The following ATP8A2 variants were observed in gnomAD, a reference collection of about 807,000 sequenced individuals.
ATP8A2 encodes phospholipid-transporting ATPase IB.
In ATP8A2, 100 loss-of-function variants were observed where a neutral mutation model predicts 165.6. That is an observed-to-expected ratio of 0.60 (90% CI 0.51 to 0.71). The LOEUF (loss-of-function observed/expected upper bound fraction) is 0.71. Ranked by LOEUF, ATP8A2 falls within the 30% of genes least tolerant of loss-of-function variation. The probability of loss-of-function intolerance (pLI) is 0.00; values close to 1 mark genes in which losing one functional copy is unlikely to be tolerated. For missense variants in ATP8A2, 1,227 were observed against 1,479.5 expected (o/e 0.83, Z 2.80); for synonymous variants, 543 against 548.8 (o/e 0.99, Z 0.15).
chr13:25,896,959 C>A (rs1953573763), intron 33 of ATP8A2, among the ~76,000 whole-genome samples: 1 of 152,212 alleles, frequency 6.6e-6, no homozygotes. Context: ...CTGAATACAG[C>A]ACACTGATGG....
At chr13:25,996,056 C>T (rs1956494814) in intron 35 of ATP8A2, among the ~76,000 whole-genome samples, 1 of 152,084 alleles carries the variant, frequency 6.6e-6, no homozygotes, top group Non-Finnish European at 1.5e-5. Flanking sequence ...AGTTACTTTG[C>T]TCTAAAGACC....
intron 24 of ATP8A2, among the ~76,000 whole-genome samples, chr13:25,666,535 C>A (rs145732401): frequency 1.3e-5 from 2 of 152,082 alleles, no homozygotes; most frequent in South Asian, 4.2e-4. Context: ...TCACCACGCC[C>A]GGCCAGAATA....
At chr13:25,987,172 T>C (rs540246888) in intron 35 of ATP8A2, among the ~76,000 whole-genome samples, 62 of 152,330 alleles carry the variant, frequency 4.1e-4, no homozygotes, top group Admixed American at 3.1e-3. Context: ...TGTATGTTGT[T>C]ATATTTTACC....
chr13:25,534,950 C>T (rs2038229197), intron 6 of ATP8A2, among the ~76,000 whole-genome samples: 2 of 152,084 alleles, frequency 1.3e-5, no homozygotes, highest in Admixed American at 6.5e-5. Context: ...GTAGGGAGCA[C>T]ACTCAAGAAC....
chr13:25,759,027 G>A (rs1343088598), intron 25 of ATP8A2, among the ~76,000 whole-genome samples: 1 of 152,086 alleles, frequency 6.6e-6, no homozygotes, highest in Non-Finnish European at 1.5e-5. Flanking sequence ...GGGAGAGAGA[G>A]AAAGGGAAAG....
At chr13:25,637,733 C>T (rs1047133634) in intron 24 of ATP8A2, among the ~76,000 whole-genome samples, 9 of 152,142 alleles carry the variant, frequency 5.9e-5, no homozygotes, top group African/African-American at 2.2e-4. Context: ...CTTAAATGTC[C>T]CTGTCTGACA....
At chr13:25,406,019 C>T (rs983333078) in intron 1 of ATP8A2, among the ~76,000 whole-genome samples, 16 of 152,296 alleles carry the variant, frequency 1.1e-4, no homozygotes, top group South Asian at 2.1e-4. Flanking sequence ...CCTTCCAGGA[C>T]ATGATTGGCA....
At chr13:25,665,766 C>A (rs1250627368) in intron 24 of ATP8A2, among the ~76,000 whole-genome samples, 1 of 151,856 alleles carries the variant, frequency 6.6e-6, no homozygotes, top group Non-Finnish European at 1.5e-5. Flanking sequence ...TCAGGCTGGA[C>A]TTGAACTCCT....
chr13:25,608,743 C>T (rs144495988), intron 24 of ATP8A2, among the ~76,000 whole-genome samples: 1 of 152,284 alleles, frequency 6.6e-6, no homozygotes, highest in East Asian at 1.9e-4. Flanking sequence ...CTATATCTAT[C>T]TGCATTTGCA....
chr13:25,656,810 T>G (rs2041939151), intron 24 of ATP8A2, among the ~76,000 whole-genome samples: 1 of 151,294 alleles, frequency 6.6e-6, no homozygotes, highest in Non-Finnish European at 1.5e-5. Context: ...TCCAGCATTT[T>G]GGGAGTCCGA....
intron 25 of ATP8A2, among the ~76,000 whole-genome samples, chr13:25,726,164 T>C (rs1451619275): frequency 1.3e-5 from 2 of 152,214 alleles, no homozygotes; most frequent in African/African-American, 4.8e-5. Context: ...GATAATTTTC[T>C]AATTTGTGTC....
rs1014962863 is a variant in ATP8A2 at position 25,760,071 on chromosome 13, G to C, written c.2385-8975G>C. Among the ~76,000 whole-genome samples, 4 of 152,308 alleles carry C rather than the reference G, an allele frequency of 2.6e-5. No homozygotes were observed. In the South Asian group the frequency reaches 6.2e-4, roughly 24 times the overall value. ...AGTAAACCGATCTTGAGCAGACAGG[G>C]TGTCCTCCTGTTTTTCTGAGAGCCC... On this transcript the variant is annotated intron_variant, in intron 25 of 36. Transcript: ENST00000381655.
At chr13:25,891,774 G>A (rs1281268655) in intron 33 of ATP8A2, among the ~76,000 whole-genome samples, 1 of 152,126 alleles carries the variant, frequency 6.6e-6, no homozygotes, top group Non-Finnish European at 1.5e-5. Context: ...TGTTTCACCA[G>A]GGATGTCCAA....
intron 24 of ATP8A2, among the ~76,000 whole-genome samples, chr13:25,661,488 G>A (rs963538516): frequency 2.0e-5 from 3 of 152,072 alleles, no homozygotes; most frequent in Non-Finnish European, 4.4e-5. Context: ...AGGAACCTAA[G>A]ATTGTTTTTT....
chr13:25,902,091 TA>T (rs1358581468), intron 33 of ATP8A2, among the ~76,000 whole-genome samples: 2 of 152,116 alleles, frequency 1.3e-5, no homozygotes, highest in Non-Finnish European at 2.9e-5. Flanking sequence ...TCTAGTGGAA[TA>T]GGGGTATGGG....
At chr13:25,503,400 A>G (rs7320702) in intron 2 of ATP8A2, among the ~76,000 whole-genome samples, 108,074 of 152,020 alleles carry the variant, frequency 0.71, 40,057 homozygotes, top group African/African-American at 0.85. Flanking sequence ...AAGTAATGAC[A>G]CCATGAAGCA....
intron 30 of ATP8A2, among the ~76,000 whole-genome samples, chr13:25,843,453 G>C (rs1196501729): frequency 6.6e-6 from 1 of 152,128 alleles, no homozygotes; most frequent in African/African-American, 2.4e-5. Flanking sequence ...GGGCCTCTGG[G>C]AGGTGATTAG....
chr13:25,941,856 C>A (rs1955080746), intron 33 of ATP8A2, among the ~76,000 whole-genome samples: 1 of 152,188 alleles, frequency 6.6e-6, no homozygotes, highest in African/African-American at 2.4e-5. Context: ...TGCTTCATAT[C>A]TTTTTGAAAA....
At chr13:25,861,090 T>C (rs1389055718) in intron 32 of ATP8A2, among the ~76,000 whole-genome samples, 1 of 152,230 alleles carries the variant, frequency 6.6e-6, no homozygotes, top group African/African-American at 2.4e-5. Flanking sequence ...GTCATCTCAC[T>C]TCAAATGTAT....
Sources: gnomAD v4.1 joint callset for allele counts (sites outside exome capture counted in the v4.1 genomes callset) on GRCh38, gnomAD v4.1.1 for gene constraint, MANE v1.5 for transcripts, NCBI Gene and HGNC (gene_info 2026-07-23, HGNC 2026-07-21) for gene names.